The following EHMT1 variants were observed in gnomAD, a reference collection of about 807,000 sequenced individuals.
The protein encoded by EHMT1 is euchromatic histone lysine methyltransferase 1.
Under a neutral mutation model 147.2 loss-of-function variants are expected in EHMT1, and 15 were observed. That is an observed-to-expected ratio of 0.10 (90% confidence interval 0.07 to 0.16). The LOEUF is 0.16. Ranked by LOEUF, EHMT1 falls within the 10% of genes least tolerant of loss-of-function variation. The pLI, the probability that EHMT1 is intolerant of heterozygous loss-of-function variation, is 1.00. For synonymous variants in EHMT1, 795 were observed against 709.6 expected (o/e 1.12, Z -1.91); for missense variants, 1,587 against 1,772.4 (o/e 0.90, Z 1.88).
intron 1 of EHMT1, among the ~76,000 whole-genome samples, chr9:137,666,639 G>A (rs1223573791): frequency 6.6e-6 from 1 of 152,220 alleles, no homozygotes; most frequent in Admixed American, 6.5e-5. Context: ...GGATGGCATT[G>A]ACCACTCATC....
chr9:137,833,981 C>T (rs373036531), intron 25 of EHMT1: 30 of 313,330 alleles, frequency 9.6e-5, no homozygotes, highest in African/African-American at 5.5e-4. Context: ...CTCTTGCAGC[C>T]CCGGCCTCCT....
chr9:137,734,572 G>C (rs926245072), intron 4 of EHMT1, among the ~76,000 whole-genome samples: 1 of 152,198 alleles, frequency 6.6e-6, no homozygotes, highest in African/African-American at 2.4e-5. Context: ...GAGAATATCT[G>C]ATGAAACCCA....
intron 1 of EHMT1, among the ~76,000 whole-genome samples, chr9:137,684,194 G>C (rs1271139033): frequency 6.6e-6 from 1 of 151,848 alleles, no homozygotes; most frequent in Non-Finnish European, 1.5e-5. Context: ...CACCACGCCT[G>C]GCTAATTTTT....
At chr9:137,833,669 C>T (rs921300093) in intron 25 of EHMT1, among the ~76,000 whole-genome samples, 1 of 152,236 alleles carries the variant, frequency 6.6e-6, no homozygotes, top group Non-Finnish European at 1.5e-5. Flanking sequence ...TGCCAGGGGC[C>T]AGGGCCCAGG....
At chr9:137,832,307 A>G (rs1255744366) in intron 25 of EHMT1, among the ~76,000 whole-genome samples, 4 of 136,884 alleles carry the variant, frequency 2.9e-5, no homozygotes. Flanking sequence ...CTCCCGTCCT[A>G]GAATTGGCTG....
chr9:137,791,201 G>A (rs546582682), intron 16 of EHMT1, among the ~76,000 whole-genome samples: 4 of 152,262 alleles, frequency 2.6e-5, no homozygotes, highest in Admixed American at 6.5e-5. Context: ...AGCGAATGAC[G>A]GGTTTGCTGT....
intron 6 of EHMT1, chr9:137,747,399 C>G (rs766974501): frequency 3.3e-5 from 5 of 152,188 alleles, no homozygotes; most frequent in African/African-American, 9.7e-5. Context: ...CTCAAGTGAT[C>G]GACCTGCCTC....
At chr9:137,814,797 G>A in intron 22 of EHMT1, 1 of 575,162 alleles carries the variant, frequency 1.7e-6, no homozygotes. Context: ...GCCCCAGGAG[G>A]AGGTGCTGCT....
chr9:137,781,419 A>AGACGTGTGGTGATGACGCTGG (rs1951538851), intron 14 of EHMT1, among the ~76,000 whole-genome samples: 3 of 135,006 alleles, frequency 2.2e-5, no homozygotes, highest in African/African-American at 6.7e-5. Context: ...GATGATGCTG[A>AGACGTGTGGTGATGACGCTGG]GATGTGTGGT....
chr9:137,778,817 C>T (rs535466441), intron 13 of EHMT1, among the ~76,000 whole-genome samples: 5 of 152,214 alleles, frequency 3.3e-5, no homozygotes, highest in Admixed American at 6.5e-5. Flanking sequence ...GCTTAATTGG[C>T]TCACGGTTCT....
At chr9:137,675,231 A>C (rs1266107285) in intron 1 of EHMT1, 1 of 152,216 alleles carries the variant, frequency 6.6e-6, no homozygotes, top group East Asian at 1.9e-4. Flanking sequence ...CAATTTTAGA[A>C]AGATAATTTT....
At chr9:137,703,607 G>C (rs1944018322) in intron 1 of EHMT1, among the ~76,000 whole-genome samples, 1 of 152,180 alleles carries the variant, frequency 6.6e-6, no homozygotes, top group Non-Finnish European at 1.5e-5. Context: ...CATAGCAAGA[G>C]TGACTTTTAC....
chr9:137,825,190 C>T (rs571475602), intron 25 of EHMT1, among the ~76,000 whole-genome samples: 14 of 152,328 alleles, frequency 9.2e-5, no homozygotes, highest in African/African-American at 3.4e-4. Flanking sequence ...GGGGCTTTGC[C>T]ACGCTGCCTT....
intron 1 of EHMT1, among the ~76,000 whole-genome samples, chr9:137,656,225 T>A (rs1408515378): frequency 6.6e-6 from 1 of 151,878 alleles, no homozygotes; most frequent in Non-Finnish European, 1.5e-5. Context: ...ACTAAAATTA[T>A]AAAAATTAGC....
At chr9:137,647,877 G>A (rs557704428) in intron 1 of EHMT1, among the ~76,000 whole-genome samples, 3 of 152,232 alleles carry the variant, frequency 2.0e-5, no homozygotes, top group South Asian at 4.2e-4. Flanking sequence ...GATTACAGAC[G>A]TGAGCCACCG....
At chr9:137,823,247 CA>C (rs1271131053) in intron 25 of EHMT1, among the ~76,000 whole-genome samples, 1 of 151,310 alleles carries the variant, frequency 6.6e-6, no homozygotes, top group African/African-American at 2.4e-5. Flanking sequence ...TACAGGCGCC[CA>C]CCACCACGCC....
At chr9:137,689,922 C>T (rs567289558) in intron 1 of EHMT1, among the ~76,000 whole-genome samples, 2 of 152,114 alleles carry the variant, frequency 1.3e-5, no homozygotes, top group South Asian at 2.1e-4. Flanking sequence ...GGAGTAGACG[C>T]GTGGAGATGA....
At chr9:137,675,711 A>G (rs1941205357) in intron 1 of EHMT1, among the ~76,000 whole-genome samples, 1 of 139,702 alleles carries the variant, frequency 7.2e-6, no homozygotes, top group South Asian at 2.2e-4. Flanking sequence ...TCCCGGGTTC[A>G]AGCGATTCTC....
chr9:137,835,031 G>T lies in EHMT1; in HGVS notation c.*78G>T. ...TTAGAGGACGAGGAGGAGAGATTCC[G>T]CACGCAACCGAAAGGGTCCTTCGGG... On this transcript the variant is annotated 3_prime_UTR_variant, in exon 27 of 27. Coordinates refer to ENST00000460843, the MANE Select transcript of EHMT1 (RefSeq NM_024757.5). 1.5e-6 allele frequency: 2 copies of T among 1,332,520 alleles called. No homozygotes were observed. Among genetic ancestry groups the T allele is most frequent in the Non-Finnish European group, 1.9e-6 (2 of 1,043,188 alleles). 82.5% of individuals were successfully genotyped at this position (1,332,520 alleles called of 1,614,324 possible).
Sources: gnomAD v4.1 joint callset for allele counts (sites outside exome capture counted in the v4.1 genomes callset) on GRCh38, gnomAD v4.1.1 for gene constraint, MANE v1.5 for transcripts, NCBI Gene and HGNC (gene_info 2026-07-23, HGNC 2026-07-21) for gene names.